The following TFEC variants were observed in gnomAD, a reference collection of about 807,000 sequenced individuals.
The protein encoded by TFEC is transcription factor EC.
Under a neutral mutation model 41.6 loss-of-function variants are expected in TFEC, and 31 were observed. The observed-to-expected ratio is 0.74, with a 90% confidence interval of 0.56 to 1.01. The LOEUF is 1.01. Among genes scored for constraint, TFEC ranks in the 50% least tolerant of loss-of-function variants. The probability of loss-of-function intolerance (pLI) is 0.00; values close to 1 mark genes in which losing one functional copy is unlikely to be tolerated. For synonymous variants in TFEC, 143 were observed against 140.6 expected (o/e 1.02, Z -0.12); for missense variants, 402 against 404.1 (o/e 0.99, Z 0.04).
intron 3 of TFEC, among the ~76,000 whole-genome samples, chr7:115,962,071 A>G (rs1321032326): frequency 6.6e-6 from 1 of 151,758 alleles, no homozygotes; most frequent in Non-Finnish European, 1.5e-5. Context: ...TGAAAAAGAA[A>G]TTAAGAAAAC....
intron 3 of TFEC, among the ~76,000 whole-genome samples, chr7:116,086,670 T>G (rs893465236): frequency 6.6e-6 from 1 of 151,708 alleles, no homozygotes; most frequent in Non-Finnish European, 1.5e-5. Flanking sequence ...ATACTTGGAG[T>G]TGGATCTTAC....
At chr7:115,956,191 T>G (rs10046583) in intron 4 of TFEC, among the ~76,000 whole-genome samples, 19,308 of 151,880 alleles carry the variant, frequency 0.13, 1,322 homozygotes, top group Middle Eastern at 0.18. Flanking sequence ...GGGTTTATTT[T>G]CAATTAAGAA....
chr7:116,132,181 A>G (rs1358272224), intron 1 of TFEC, among the ~76,000 whole-genome samples: 1 of 152,220 alleles, frequency 6.6e-6, no homozygotes, highest in Non-Finnish European at 1.5e-5. Context: ...GAATTAGTGC[A>G]TAAAGTTGGC....
intron 3 of TFEC, among the ~76,000 whole-genome samples, chr7:116,062,224 CCTTTTTTTTT>C (rs1410295078): frequency 1.0e-4 from 4 of 38,684 alleles, no homozygotes; most frequent in Non-Finnish European, 1.4e-4. Context: ...ACATGCCTGG[CCTTTTTTTTT>C]TTTTTTTTTT....
chr7:116,141,144 C>T (rs10239615), intron 1 of TFEC, among the ~76,000 whole-genome samples: 16,349 of 152,008 alleles, frequency 0.11, 945 homozygotes, highest in African/African-American at 0.15. Flanking sequence ...AGAGTTGTTT[C>T]AGAGGTTCAC....
At chr7:116,038,966 G>A (rs1055230441) in intron 3 of TFEC, among the ~76,000 whole-genome samples, 6 of 152,174 alleles carry the variant, frequency 3.9e-5, no homozygotes, top group East Asian at 3.9e-4. Context: ...GAGACGAAAC[G>A]GGATGTGGAA....
At chr7:115,944,366 T>TTGA (rs1322420624) in intron 6 of TFEC, among the ~76,000 whole-genome samples, 2 of 151,500 alleles carry the variant, frequency 1.3e-5, no homozygotes, top group African/African-American at 4.8e-5. Flanking sequence ...CTCTTTCTCT[T>TTGA]TGATTGTTAT....
At chr7:116,114,221 C>T (rs1797921628) in intron 1 of TFEC, among the ~76,000 whole-genome samples, 1 of 151,960 alleles carries the variant, frequency 6.6e-6, no homozygotes, top group Non-Finnish European at 1.5e-5. Context: ...GTCAAACCCA[C>T]TTCAGCGAAA....
chr7:116,127,364 T>G (rs1798234253), intron 1 of TFEC, among the ~76,000 whole-genome samples: 1 of 152,076 alleles, frequency 6.6e-6, no homozygotes, highest in South Asian at 2.1e-4. Context: ...ATTACAGGCG[T>G]GAGCCACCGC....
Position 116,153,461 on chromosome 7 carries a change from G to A in TFEC, c.-69+6329C>T, listed in dbSNP as rs140110091. Among the ~76,000 whole-genome samples the A allele has an allele frequency of 5.0e-3, 759 of 152,208 alleles. 5 individuals carry two copies. The highest frequency in any genetic ancestry group is 7.1e-3 in the Non-Finnish European group (481 of 68,006). ...GTAGAGACGGGTTTTTACCGTGTTG[G>A]TCAGGCTGGTCTCAAACTCCTGACC... On this transcript the variant is annotated intron_variant, in intron 1 of 8. Coordinates refer to the TFEC transcript ENST00000484212.
rs571695352 is a variant in TFEC at position 116,087,233 on chromosome 7, T to C, written c.198+23475A>G. 3.9e-5 allele frequency among the ~76,000 whole-genome samples: 6 copies of C among 152,138 alleles called. No homozygotes were observed. In the South Asian group the frequency reaches 8.3e-4, roughly 21 times the overall value. ...TAAAATACATTTATTTGGAATAAACTATATAAAAAACTCTTAAATATTTTA... is the reference window on the plus strand; with the variant it reads ...TAAAATACATTTATTTGGAATAAACCATATAAAAAACTCTTAAATATTTTA... On this transcript the variant is annotated intron_variant, in intron 3 of 8. Coordinates refer to the TFEC transcript ENST00000484212.
chr7:116,135,143 C>CA (rs1798410074), intron 1 of TFEC, among the ~76,000 whole-genome samples: 1 of 152,014 alleles, frequency 6.6e-6, no homozygotes, highest in African/African-American at 2.4e-5. Context: ...TGAACAGAGC[C>CA]ACCGTGTACC....
intron 1 of TFEC, among the ~76,000 whole-genome samples, chr7:115,990,320 T>C (rs1409867359): frequency 6.6e-6 from 1 of 152,182 alleles, no homozygotes; most frequent in Non-Finnish European, 1.5e-5. Context: ...AGAGCGCTTC[T>C]TCTCCACCAA....
intron 3 of TFEC, among the ~76,000 whole-genome samples, chr7:116,058,164 A>G (rs1796472276): frequency 6.6e-6 from 1 of 151,864 alleles, no homozygotes; most frequent in African/African-American, 2.4e-5. Context: ...TAAAGTAACA[A>G]ATAGGTTAAA....
chr7:115,965,825 C>A (rs1357027116), intron 3 of TFEC, among the ~76,000 whole-genome samples: 1 of 151,594 alleles, frequency 6.6e-6, no homozygotes, highest in Non-Finnish European at 1.5e-5. Context: ...ATAACCTGAC[C>A]TGAATTCCAC....
intron 5 of TFEC, among the ~76,000 whole-genome samples, chr7:115,952,787 T>G (rs901855244): frequency 2.0e-5 from 3 of 152,114 alleles, no homozygotes; most frequent in South Asian, 2.1e-4. Flanking sequence ...CACTTAATCC[T>G]GTACTTAGAT....
intron 2 of TFEC, among the ~76,000 whole-genome samples, chr7:115,983,940 A>G (rs1793737012): frequency 6.6e-6 from 1 of 152,154 alleles, no homozygotes; most frequent in Non-Finnish European, 1.5e-5. Flanking sequence ...CAATTTAACT[A>G]CTGATAAATA....
At chr7:115,962,551 A>C (rs1792612390) in intron 3 of TFEC, among the ~76,000 whole-genome samples, 1 of 151,778 alleles carries the variant, frequency 6.6e-6, no homozygotes, top group African/African-American at 2.4e-5. Context: ...TTTATGGTCA[A>C]ATGATTTTTG....
intron 1 of TFEC, among the ~76,000 whole-genome samples, chr7:116,150,011 C>G (rs1798727092): frequency 6.6e-6 from 1 of 152,184 alleles, no homozygotes; most frequent in African/African-American, 2.4e-5. Flanking sequence ...ACCAAATATA[C>G]TTTCTCCTCC....
Sources: allele counts gnomAD v4.1 joint callset (sites outside exome capture counted in the v4.1 genomes callset), GRCh38; gene constraint gnomAD v4.1.1; transcripts MANE v1.5; gene names NCBI Gene and HGNC (gene_info 2026-07-23, HGNC 2026-07-21).